Variants in SLC5A4 observed in about 807,000 individuals in gnomAD.
SLC5A4 encodes the protein solute carrier family 5 member 4.
A neutral mutation model predicts 70.3 loss-of-function variants in SLC5A4; 55 were observed. The ratio of observed to expected loss-of-function variants is 0.78; its 90% confidence interval spans 0.63 to 0.98. SLC5A4 has a LOEUF of 0.98. Among genes scored for constraint, SLC5A4 ranks in the 50% least tolerant of loss-of-function variants. The pLI, the probability that SLC5A4 is intolerant of heterozygous loss-of-function variation, is 0.00. For missense variants in SLC5A4, 735 were observed against 839.2 expected (o/e 0.88, Z 1.53); for synonymous variants, 268 against 305.7 (o/e 0.88, Z 1.29).
At chr22:32,308,893 G>A in the SLC5A4 span, among the ~76,000 whole-genome samples, 1 of 152,198 alleles carries the variant, frequency 6.6e-6, no homozygotes, top group Non-Finnish European at 1.5e-5. Flanking sequence ...ATTGAGGCCT[G>A]TTGCACATGT....
At chr22:32,286,517 C>T in the SLC5A4 span, among the ~76,000 whole-genome samples, 2 of 152,166 alleles carry the variant, frequency 1.3e-5, no homozygotes, top group Admixed American at 6.5e-5. Flanking sequence ...TTTGTATGAG[C>T]GATAAACAAC....
At chr22:32,294,318 G>GTA in the SLC5A4 span, among the ~76,000 whole-genome samples, 2 of 152,218 alleles carry the variant, frequency 1.3e-5, no homozygotes, top group Admixed American at 6.5e-5. Context: ...CTCTCCAGTT[G>GTA]TATCTAATCT....
At chr22:32,268,524 A>G in the SLC5A4 span, 1 of 152,412 alleles carries the variant, frequency 6.6e-6, no homozygotes, top group Non-Finnish European at 1.5e-5. Context: ...AAATCAAGGA[A>G]CTGGAGCCCC....
the SLC5A4 span, among the ~76,000 whole-genome samples, chr22:32,304,972 GAA>G: frequency 3.3e-5 from 5 of 151,872 alleles, no homozygotes; most frequent in Admixed American, 1.3e-4. Flanking sequence ...ACCATTTCTT[GAA>G]AAGACTATTT....
intron 5 of SLC5A4, among the ~76,000 whole-genome samples, chr22:32,241,775 A>ATGTGTGTG (rs373261572): frequency 3.6e-5 from 5 of 139,110 alleles, no homozygotes; most frequent in East Asian, 2.0e-4. Context: ...ACATATATAT[A>ATGTGTGTG]TGTGTGTGTG....
At chr22:32,293,920 T>C in the SLC5A4 span, among the ~76,000 whole-genome samples, 1 of 152,170 alleles carries the variant, frequency 6.6e-6, no homozygotes, top group Non-Finnish European at 1.5e-5. Flanking sequence ...GATATAGTAG[T>C]ATAAAATAAT....
chr22:32,329,809 A>AG, the SLC5A4 span, among the ~76,000 whole-genome samples: 2 of 8,342 alleles, frequency 2.4e-4, no homozygotes. Flanking sequence ...TGTGTGTTGG[A>AG]GGCTCTGGTG....
chr22:32,260,519 AAC>A, the SLC5A4 span, among the ~76,000 whole-genome samples: 1 of 151,900 alleles, frequency 6.6e-6, no homozygotes, highest in Admixed American at 6.6e-5. Flanking sequence ...AAAAAAAAAA[AAC>A]AAAACCAAAA....
chr22:32,267,342 G>A, the SLC5A4 span, among the ~76,000 whole-genome samples: 99 of 152,332 alleles, frequency 6.5e-4, no homozygotes, highest in African/African-American at 2.2e-3. Context: ...CCTTGTAAGT[G>A]GAGCTCACTC....
At chr22:32,255,431 G>A (rs1569385543), upstream of SLC5A4, 1 of 1,311,174 alleles carries the variant, frequency 7.6e-7, no homozygotes, top group Non-Finnish European at 1.1e-6. Context: ...ATCAGAGCCA[G>A]CTCCTGGATA....
the SLC5A4 span, among the ~76,000 whole-genome samples, chr22:32,311,941 G>A: frequency 6.6e-6 from 1 of 152,100 alleles, no homozygotes; most frequent in East Asian, 1.9e-4. Flanking sequence ...GTCAAACGAG[G>A]GGTTGGTCTC....
At chr22:32,239,554 A>ATTTATATATATATATATATT in intron 5 of SLC5A4, among the ~76,000 whole-genome samples, 1 of 16,858 alleles carries the variant, frequency 5.9e-5, no homozygotes, top group African/African-American at 4.5e-4. Flanking sequence ...ATATATATAT[A>ATTTATATATATATATATATT]TATATATATA....
At chr22:32,275,200 A>T in the SLC5A4 span, among the ~76,000 whole-genome samples, 1 of 152,246 alleles carries the variant, frequency 6.6e-6, no homozygotes, top group Admixed American at 6.5e-5. Context: ...TACTCTGAAC[A>T]AAAGGGGACC....
At chr22:32,332,072 C>T in the SLC5A4 span, among the ~76,000 whole-genome samples, 2 of 152,096 alleles carry the variant, frequency 1.3e-5, no homozygotes, top group African/African-American at 2.4e-5. Flanking sequence ...GACTCCACTC[C>T]CTGGTGCCGG....
chr22:32,284,090 A>G, the SLC5A4 span, among the ~76,000 whole-genome samples: 1,283 of 152,308 alleles, frequency 8.4e-3, 16 homozygotes, highest in African/African-American at 0.029. Flanking sequence ...AAATAATTGC[A>G]TAAGTATCCA....
the SLC5A4 span, chr22:32,268,404 T>A: frequency 6.6e-6 from 1 of 152,206 alleles, no homozygotes; most frequent in Admixed American, 6.5e-5. Context: ...GCTGCATCAG[T>A]TCACTTCTGA....
At chr22:32,231,312 C>T (rs552726762) in intron 9 of SLC5A4, among the ~76,000 whole-genome samples, 18 of 152,282 alleles carry the variant, frequency 1.2e-4, no homozygotes, top group South Asian at 1.0e-3. Flanking sequence ...TCCCTTGGGA[C>T]GTGGCCTAGC....
intron 3 of SLC5A4, 138 bp from the exon 4 acceptor site, chr22:32,248,940 C>T (rs1385785580): frequency 6.5e-6 from 4 of 618,542 alleles, no homozygotes; most frequent in Non-Finnish European, 1.2e-5. Flanking sequence ...ACTATAATCC[C>T]AAGACAATTG....
At chr22:32,243,640 A>G (rs2145687290) in intron 5 of SLC5A4, among the ~76,000 whole-genome samples, 1 of 152,350 alleles carries the variant, frequency 6.6e-6, no homozygotes, top group South Asian at 2.1e-4. Context: ...AGAATCATCA[A>G]TGAGTGTTAA....
Sources: gnomAD v4.1 joint callset for allele counts (sites outside exome capture counted in the v4.1 genomes callset) on GRCh38, gnomAD v4.1.1 for gene constraint, MANE v1.5 for transcripts, NCBI Gene and HGNC (gene_info 2026-07-23, HGNC 2026-07-21) for gene names.